The following OXR1 variants were observed in gnomAD, a reference collection of about 807,000 sequenced individuals.
OXR1 encodes oxidation resistance 1.
OXR1 carries 41 observed loss-of-function variants against 104.6 expected under a neutral mutation model. The observed-to-expected ratio is 0.39, with a 90% confidence interval of 0.31 to 0.51. The LOEUF is 0.51. Ranked by LOEUF, OXR1 falls within the 20% of genes least tolerant of loss-of-function variation. OXR1 has a pLI of 0.77. For synonymous variants in OXR1, 348 were observed against 348.4 expected (o/e 1.00, Z 0.01); for missense variants, 955 against 1,031.9 (o/e 0.93, Z 1.02).
At chr8:106,506,027 A>G (rs1812135381) in intron 2 of OXR1, among the ~76,000 whole-genome samples, 1 of 152,172 alleles carries the variant, frequency 6.6e-6, no homozygotes, top group East Asian at 1.9e-4. Context: ...GAAACTTAAG[A>G]TATAATTTGG....
chr8:106,737,552 C>T lies in OXR1; in HGVS notation c.1989C>T (p.Ile663=), dbSNP rs931489691. ...CAGTGGCTGAGTATCACCGCAGGAT[C>T]GATGCTCTAAATACTGAAGAACTGC... ...VVSVAEYHRR[I]DALNTEELRT... The change falls in exon 12 of 17, where the codon ATC becomes ATT. Residue 663 remains isoleucine (I), a synonymous_variant. Transcript: ENST00000517566. 25 of 1,401,214 alleles carry T rather than the reference C, an allele frequency of 1.8e-5. No homozygotes were observed. Among genetic ancestry groups the T allele is most frequent in the Non-Finnish European group, 2.1e-5 (22 of 1,069,296 alleles). The allele number at this position is 1,401,214 out of a possible 1,614,324, so 86.8% of individuals were successfully genotyped here. A position where few individuals can be genotyped will look rare whatever the true frequency, so the allele number is the denominator to read the frequency against.
At chr8:106,312,599 T>C (rs1237093090) in intron 1 of OXR1, among the ~76,000 whole-genome samples, 1 of 152,248 alleles carries the variant, frequency 6.6e-6, no homozygotes, top group Admixed American at 6.5e-5. Context: ...GGATGTTTAC[T>C]CAGGCTCCCT....
chr8:106,554,271 T>G (rs1816093354), intron 3 of OXR1, among the ~76,000 whole-genome samples: 1 of 152,240 alleles, frequency 6.6e-6, no homozygotes, highest in Non-Finnish European at 1.5e-5. Flanking sequence ...AGTTTAATCC[T>G]GAGAAAACAT....
intron 3 of OXR1, among the ~76,000 whole-genome samples, chr8:106,612,622 A>G (rs1055950469): frequency 1.3e-5 from 2 of 152,122 alleles, no homozygotes; most frequent in Admixed American, 1.3e-4. Context: ...TCAGGAGTTC[A>G]TCATAATGCA....
intron 11 of OXR1, among the ~76,000 whole-genome samples, chr8:106,715,617 A>G (rs1355392805): frequency 1.3e-5 from 2 of 152,066 alleles, no homozygotes; most frequent in African/African-American, 2.4e-5. Context: ...TTAGCTAGCT[A>G]ATTACACAGG....
intron 3 of OXR1, among the ~76,000 whole-genome samples, chr8:106,551,799 T>C (rs554094895): frequency 1.5e-5 from 2 of 130,502 alleles, no homozygotes; most frequent in Admixed American, 8.1e-5. Flanking sequence ...CATATATATA[T>C]ATATATATAT....
At chr8:106,376,596 G>A (rs1816915905) in intron 2 of OXR1, among the ~76,000 whole-genome samples, 1 of 152,172 alleles carries the variant, frequency 6.6e-6, no homozygotes, top group Admixed American at 6.5e-5. Context: ...TGAAAATGAT[G>A]TCCTTCCTGA....
intron 2 of OXR1, among the ~76,000 whole-genome samples, chr8:106,488,881 G>C (rs903057992): frequency 6.6e-6 from 1 of 151,594 alleles, no homozygotes; most frequent in African/African-American, 2.4e-5. Flanking sequence ...TTGTTCTTTT[G>C]GCTTAGTATT....
intron 1 of OXR1, among the ~76,000 whole-genome samples, chr8:106,312,139 T>C (rs1217364885): frequency 1.3e-5 from 2 of 152,148 alleles, no homozygotes; most frequent in Non-Finnish European, 2.9e-5. Flanking sequence ...TTCAGTGAAA[T>C]AAACTAAAGC....
chr8:106,596,598 T>C (rs1819540367), intron 3 of OXR1, among the ~76,000 whole-genome samples: 1 of 151,976 alleles, frequency 6.6e-6, no homozygotes, highest in Admixed American at 6.6e-5. Flanking sequence ...AAATAGAGGG[T>C]GTACACATTG....
chr8:106,465,039 TAG>T (rs921896739), intron 2 of OXR1, among the ~76,000 whole-genome samples: 2 of 151,856 alleles, frequency 1.3e-5, no homozygotes, highest in Non-Finnish European at 2.9e-5. Context: ...CCTTAATATA[TAG>T]AGTATGTTAA....
At chr8:106,339,533 TA>T (rs1815144417) in intron 1 of OXR1, among the ~76,000 whole-genome samples, 4 of 79,810 alleles carry the variant, frequency 5.0e-5, no homozygotes, top group East Asian at 2.7e-4. Context: ...TATATATATA[TA>T]TATATATATA....
chr8:106,364,891 A>G (rs1252279807), intron 2 of OXR1, among the ~76,000 whole-genome samples: 1 of 152,168 alleles, frequency 6.6e-6, no homozygotes, highest in Non-Finnish European at 1.5e-5. Flanking sequence ...CTGTTTTGCA[A>G]ACTACTTGTC....
intron 1 of OXR1, among the ~76,000 whole-genome samples, chr8:106,278,671 C>T (rs1238886223): frequency 3.3e-5 from 5 of 152,002 alleles, no homozygotes; most frequent in African/African-American, 9.7e-5. Context: ...TCACCCTTTG[C>T]GTAGATCACA....
intron 3 of OXR1, among the ~76,000 whole-genome samples, chr8:106,584,380 A>G (rs1017951917): frequency 2.6e-5 from 4 of 152,004 alleles, no homozygotes; most frequent in African/African-American, 9.7e-5. Context: ...CCCAGAACTG[A>G]AGGACATGAG....
intron 3 of OXR1, among the ~76,000 whole-genome samples, chr8:106,561,666 G>A (rs1000918034): frequency 2.6e-5 from 4 of 152,140 alleles, no homozygotes; most frequent in Non-Finnish European, 5.9e-5. Context: ...CCTGACCCCC[G>A]TGCCTCCTGA....
At chr8:106,346,668 T>C (rs1815492796) in intron 1 of OXR1, among the ~76,000 whole-genome samples, 7 of 152,150 alleles carry the variant, frequency 4.6e-5, no homozygotes, top group Admixed American at 4.6e-4. Flanking sequence ...ACATCATTTC[T>C]CCAAGGATGC....
intron 2 of OXR1, among the ~76,000 whole-genome samples, chr8:106,514,412 G>T (rs1013076888): frequency 2.6e-5 from 4 of 152,058 alleles, no homozygotes; most frequent in Non-Finnish European, 5.9e-5. Context: ...CTAAGAATGT[G>T]CAAATGGAAG....
Position 106,316,240 on chromosome 8 carries a change from T to C in OXR1, c.-138-43236T>C, listed in dbSNP as rs77874037. Among the ~76,000 whole-genome samples the C allele has an allele frequency of 3.3e-3, 507 of 152,284 alleles. 5 individuals are homozygous for C. The highest frequency in any genetic ancestry group is 0.011 in the African/African-American group (478 of 41,566). The stretch of plus-strand genomic sequence containing the variant: ...GTTATATGAGGGTACACTTCAAAAA[T>C]ACACAACTCAAAGCTTTTTTCTTTT... On this transcript the variant is annotated intron_variant, in intron 1 of 16. Transcript: ENST00000517566.
Sources: gnomAD v4.1 joint callset for allele counts (sites outside exome capture counted in the v4.1 genomes callset) on GRCh38, gnomAD v4.1.1 for gene constraint, MANE v1.5 for transcripts, NCBI Gene and HGNC (gene_info 2026-07-23, HGNC 2026-07-21) for gene names.